DDR2: variants seen among roughly 807,000 people sequenced by gnomAD.
DDR2 encodes the protein discoidin domain-containing receptor 2.
A neutral mutation model predicts 94.9 loss-of-function variants in DDR2; 27 were observed. The observed-to-expected ratio is 0.28, with a 90% CI of 0.21 to 0.39. The LOEUF is 0.39. Among genes scored for constraint, DDR2 ranks in the 10% least tolerant of loss-of-function variants. DDR2 has a pLI of 1.00. For synonymous variants in DDR2, 382 were observed against 377.2 expected (o/e 1.01, Z -0.15); for missense variants, 783 against 1,076.0 (o/e 0.73, Z 3.81).
intron 3 of DDR2, among the ~76,000 whole-genome samples, chr1:162,730,946 G>T (rs536326205): frequency 6.6e-6 from 1 of 152,264 alleles, no homozygotes; most frequent in East Asian, 1.9e-4. Context: ...CCCGGAGTCG[G>T]CCTCCTGCCC....
chr1:162,656,464 G>A (rs1467927231), intron 2 of DDR2, among the ~76,000 whole-genome samples: 1 of 152,014 alleles, frequency 6.6e-6, no homozygotes, highest in Admixed American at 6.6e-5. Context: ...GGAATGCCTC[G>A]CTGCTCTTTA....
intron 11 of DDR2, among the ~76,000 whole-genome samples, chr1:162,769,121 T>A (rs1478172370): frequency 6.6e-6 from 1 of 152,226 alleles, no homozygotes; most frequent in African/African-American, 2.4e-5. Context: ...TCTCTGAGTC[T>A]TTATTCTGAG....
Position 162,633,232 on chromosome 1 carries a change from C to T in DDR2, c.-192+601C>T, listed in dbSNP as rs557156966. ...ATACAGCTTCCCAGACTCATCTCCT[C>T]GCTGGCTCTGGGTGCCTTTCCCTTT... On this transcript the variant is annotated intron_variant, in intron 1 of 17. Transcript: ENST00000367921. Among the ~76,000 whole-genome samples, 27 of 152,216 alleles carry T rather than the reference C, an allele frequency of 1.8e-4. No homozygotes were observed. In the South Asian group the frequency reaches 4.8e-3, roughly 27 times the overall value.
intron 3 of DDR2, among the ~76,000 whole-genome samples, chr1:162,744,595 C>G (rs1463350118): frequency 6.6e-6 from 1 of 152,084 alleles, no homozygotes; most frequent in Non-Finnish European, 1.5e-5. Flanking sequence ...TATACACGTG[C>G]CATGGTGGTT....
chr1:162,758,055 A>C (rs895850595), intron 7 of DDR2, among the ~76,000 whole-genome samples: 4 of 152,184 alleles, frequency 2.6e-5, no homozygotes, highest in Non-Finnish European at 4.4e-5. Context: ...AGAAAGACTT[A>C]GTTCAGTAGG....
At chr1:162,713,590 A>G (rs1661025119) in intron 2 of DDR2, among the ~76,000 whole-genome samples, 1 of 152,198 alleles carries the variant, frequency 6.6e-6, no homozygotes, top group Admixed American at 6.6e-5. Context: ...ATAAAAATAT[A>G]TAGTGTGCTT....
chr1:162,745,884 C>A (rs1039796249), intron 3 of DDR2, among the ~76,000 whole-genome samples: 4 of 152,172 alleles, frequency 2.6e-5, no homozygotes, highest in Admixed American at 6.5e-5. Context: ...TTTTGAAATG[C>A]AATCAGTTGT....
intron 1 of DDR2, among the ~76,000 whole-genome samples, chr1:162,642,493 T>A (rs1419279570): frequency 6.6e-6 from 1 of 151,078 alleles, no homozygotes; most frequent in African/African-American, 2.4e-5. Context: ...TTTTTTCATG[T>A]TGATTAGGCT....
intron 1 of DDR2, among the ~76,000 whole-genome samples, chr1:162,637,088 T>C (rs2101882230): frequency 6.6e-6 from 1 of 152,288 alleles, no homozygotes. Flanking sequence ...ATTTATTTAC[T>C]CCTCAGTAAG....
rs576491450 is a variant in DDR2 at position 162,647,635 on chromosome 1, T to A, written c.-191-7576T>A. Among the ~76,000 whole-genome samples, 4 of 152,330 alleles carry A rather than the reference T, an allele frequency of 2.6e-5. No homozygotes were observed. The South Asian group carries it at 8.3e-4, about 32-fold the overall frequency. Reference sequence around the variant, plus strand: ...GAGTTTTCTGGAAAAGGGGCAGGGATTTCCTTTGGAACTGAGGATCCCTAC... The same window carrying A: ...GAGTTTTCTGGAAAAGGGGCAGGGAATTCCTTTGGAACTGAGGATCCCTAC... On this transcript the variant is annotated intron_variant, in intron 1 of 17. Transcript: ENST00000367921.
At chr1:162,747,095 CA>C (rs1662910589) in intron 3 of DDR2, among the ~76,000 whole-genome samples, 1 of 152,288 alleles carries the variant, frequency 6.6e-6, no homozygotes, top group Middle Eastern at 3.4e-3. Context: ...TTCTAAAAAT[CA>C]GAGCACCTCT....
At chr1:162,733,375 G>A (rs1335205030) in intron 3 of DDR2, among the ~76,000 whole-genome samples, 3 of 152,180 alleles carry the variant, frequency 2.0e-5, no homozygotes, top group African/African-American at 7.2e-5. Flanking sequence ...CAGCTCAGAA[G>A]TGCCACGTTG....
chr1:162,770,223 G>C, intron 11 of DDR2, 79 bp from the exon 12 acceptor site: 1 of 1,359,136 alleles, frequency 7.4e-7, no homozygotes, highest in Non-Finnish European at 1.0e-6. Context: ...ATTTGAGTGG[G>C]AGAGCTGAGT....
At chr1:162,656,153 G>A (rs1657951488) in intron 2 of DDR2, among the ~76,000 whole-genome samples, 2 of 152,174 alleles carry the variant, frequency 1.3e-5, no homozygotes, top group South Asian at 2.1e-4. Flanking sequence ...TCTAGATTGT[G>A]TCTGAGACCT....
At chr1:162,772,321 C>A in intron 13 of DDR2, 74 bp downstream of exon 13, 1 of 1,455,310 alleles carries the variant, frequency 6.9e-7, no homozygotes, top group Non-Finnish European at 9.5e-7. Context: ...AACAAAGAGT[C>A]CCTTCCAGAG....
At chr1:162,658,673 A>T (rs1198269341) in intron 2 of DDR2, among the ~76,000 whole-genome samples, 1 of 151,350 alleles carries the variant, frequency 6.6e-6, no homozygotes, top group Non-Finnish European at 1.5e-5. Flanking sequence ...AAAAAAAAAA[A>T]AAAAAAATGC....
upstream of DDR2, among the ~76,000 whole-genome samples, chr1:162,631,094 C>A (rs1308665547): frequency 6.6e-6 from 1 of 152,048 alleles, no homozygotes; most frequent in Non-Finnish European, 1.5e-5. Context: ...CGGCTGCTTT[C>A]TGACCCTCAG....
At chr1:162,704,250 A>G (rs1319577248) in intron 2 of DDR2, among the ~76,000 whole-genome samples, 1 of 152,168 alleles carries the variant, frequency 6.6e-6, no homozygotes, top group African/African-American at 2.4e-5. Context: ...CCTTGCTGAG[A>G]TAAATGCCTG....
chr1:162,759,671 T>C (rs769544548), intron 7 of DDR2, 125 bp from the exon 8 acceptor site: 12 of 1,095,828 alleles, frequency 1.1e-5, no homozygotes, highest in Non-Finnish European at 1.6e-5. Flanking sequence ...TTACAATCCT[T>C]CAATTCCAAG....
Sources: allele counts gnomAD v4.1 joint callset (sites outside exome capture counted in the v4.1 genomes callset), GRCh38; gene constraint gnomAD v4.1.1; transcripts MANE v1.5; gene names NCBI Gene and HGNC (gene_info 2026-07-23, HGNC 2026-07-21).